The following SRPK2 variants were observed in gnomAD, a reference collection of about 807,000 sequenced individuals.
SRPK2 encodes SRSF protein kinase 2, also known as SFRS protein kinase 2.
Under a neutral mutation model 90.8 loss-of-function variants are expected in SRPK2, and 21 were observed. That is an observed-to-expected ratio of 0.23 (90% CI 0.16 to 0.33). The LOEUF (loss-of-function observed/expected upper bound fraction) is 0.33. Among genes scored for constraint, SRPK2 ranks in the 10% least tolerant of loss-of-function variants. The pLI, the probability that SRPK2 is intolerant of heterozygous loss-of-function variation, is 1.00. For missense variants in SRPK2, 620 were observed against 869.0 expected, an observed-to-expected ratio of 0.71 and a Z score of 3.60; for synonymous variants, 288 against 311.1, an observed-to-expected ratio of 0.93 and a Z score of 0.78.
chr7:105,261,538 AG>A (rs1377871156), intron 2 of SRPK2, among the ~76,000 whole-genome samples: 1 of 152,088 alleles, frequency 6.6e-6, no homozygotes, highest in Non-Finnish European at 1.5e-5. Flanking sequence ...AAAAAAAAAA[AG>A]AAAGAAAAAA....
chr7:105,335,235 A>C (rs1332744168), intron 2 of SRPK2, among the ~76,000 whole-genome samples: 2 of 152,232 alleles, frequency 1.3e-5, no homozygotes, highest in Non-Finnish European at 2.9e-5. Context: ...AAAGGAAGAC[A>C]AAAAATTCCC....
intron 7 of SRPK2, among the ~76,000 whole-genome samples, chr7:105,151,547 T>G (rs1584964910): frequency 1.3e-5 from 2 of 152,356 alleles, no homozygotes; most frequent in Middle Eastern, 3.4e-3. Context: ...AAAATTAATT[T>G]CTTTTTAGAG....
intron 2 of SRPK2, among the ~76,000 whole-genome samples, chr7:105,260,400 T>C (rs1490392810): frequency 6.6e-6 from 1 of 152,164 alleles, no homozygotes; most frequent in Non-Finnish European, 1.5e-5. Flanking sequence ...CTGGAGAGGA[T>C]GTGGAGAAAT....
intron 2 of SRPK2, among the ~76,000 whole-genome samples, chr7:105,252,293 G>A (rs1432492133): frequency 1.3e-5 from 2 of 151,958 alleles, no homozygotes; most frequent in East Asian, 3.9e-4. Flanking sequence ...GGATAGAAAG[G>A]GCAAAAGAAT....
chr7:105,285,804 T>C (rs1463312838), intron 2 of SRPK2, among the ~76,000 whole-genome samples: 1 of 152,210 alleles, frequency 6.6e-6, no homozygotes, highest in Non-Finnish European at 1.5e-5. Context: ...AAGCAGATGC[T>C]GGACCCATGC....
chr7:105,395,002 A>G (rs1376534485), intron 1 of SRPK2, among the ~76,000 whole-genome samples: 2 of 152,074 alleles, frequency 1.3e-5, no homozygotes, highest in East Asian at 3.9e-4. Flanking sequence ...GTGAAACCCC[A>G]TCTCTACTAA....
intron 13 of SRPK2, among the ~76,000 whole-genome samples, chr7:105,131,403 C>T (rs775313806): frequency 4.6e-5 from 7 of 152,186 alleles, no homozygotes; most frequent in Admixed American, 1.3e-4. Context: ...CATTGGCCAC[C>T]GGTTCTTTTA....
chr7:105,286,371 T>C (rs1285901713), intron 2 of SRPK2, among the ~76,000 whole-genome samples: 4 of 152,234 alleles, frequency 2.6e-5, no homozygotes, highest in African/African-American at 9.6e-5. Flanking sequence ...ATTTATTAGA[T>C]TTACTATGCT....
intron 3 of SRPK2, among the ~76,000 whole-genome samples, chr7:105,198,277 T>C (rs1017889696): frequency 1.3e-5 from 2 of 152,206 alleles, no homozygotes; most frequent in African/African-American, 2.4e-5. Flanking sequence ...CACCCCCTAC[T>C]GCCTCTGAAA....
chr7:105,313,285 A>C (rs1811927516), intron 2 of SRPK2, among the ~76,000 whole-genome samples: 1 of 151,532 alleles, frequency 6.6e-6, no homozygotes, highest in Non-Finnish European at 1.5e-5. Flanking sequence ...ATCTCTACCA[A>C]AATACAAAAA....
At chr7:105,373,246 T>C (rs993255799) in intron 2 of SRPK2, among the ~76,000 whole-genome samples, 31 of 152,182 alleles carry the variant, frequency 2.0e-4, no homozygotes, top group Admixed American at 9.8e-4. Context: ...AGAAAAAAGA[T>C]ACTAATGCTA....
intron 2 of SRPK2, among the ~76,000 whole-genome samples, chr7:105,326,810 C>T (rs1358660617): frequency 3.9e-5 from 6 of 152,060 alleles, no homozygotes; most frequent in Non-Finnish European, 5.9e-5. Context: ...GCCTGTAATC[C>T]CAGCACTTTG....
chr7:105,385,035 G>A (rs960523274), intron 2 of SRPK2, among the ~76,000 whole-genome samples: 1 of 148,170 alleles, frequency 6.7e-6, no homozygotes, highest in Non-Finnish European at 1.5e-5. Flanking sequence ...CACACGCCCA[G>A]CTAATTTTTT....
intron 3 of SRPK2, among the ~76,000 whole-genome samples, chr7:105,194,759 TG>T (rs1226603430): frequency 6.6e-6 from 1 of 152,160 alleles, no homozygotes; most frequent in Non-Finnish European, 1.5e-5. Context: ...AGCACAAAGC[TG>T]GAAGACTGAC....
chr7:105,169,662 G>T (rs950764790), intron 3 of SRPK2, among the ~76,000 whole-genome samples: 1 of 152,190 alleles, frequency 6.6e-6, no homozygotes, highest in Non-Finnish European at 1.5e-5. Flanking sequence ...GGGAGGTGGA[G>T]GCTGCAATGA....
intron 2 of SRPK2, among the ~76,000 whole-genome samples, chr7:105,291,433 C>T (rs1809000063): frequency 6.6e-6 from 1 of 152,016 alleles, no homozygotes; most frequent in Non-Finnish European, 1.5e-5. Context: ...ACCTGTAATC[C>T]CAGCACTTTG....
At chr7:105,265,560 A>G (rs1207555066) in intron 2 of SRPK2, among the ~76,000 whole-genome samples, 2 of 152,166 alleles carry the variant, frequency 1.3e-5, no homozygotes, top group Non-Finnish European at 2.9e-5. Flanking sequence ...ACATTACCCC[A>G]TAAATCCCAG....
chr7:105,192,146 T>C (rs1794376925), intron 3 of SRPK2, among the ~76,000 whole-genome samples: 1 of 151,986 alleles, frequency 6.6e-6, no homozygotes, highest in Non-Finnish European at 1.5e-5. Context: ...GAGATTTTGG[T>C]GCACCCATCA....
intron 2 of SRPK2, among the ~76,000 whole-genome samples, chr7:105,223,411 C>T (rs1032525129): frequency 6.6e-6 from 1 of 152,210 alleles, no homozygotes; most frequent in Non-Finnish European, 1.5e-5. Flanking sequence ...CCCTGACATA[C>T]ATACCTCCCT....
Sources: gnomAD v4.1 joint callset for allele counts (sites outside exome capture counted in the v4.1 genomes callset) on GRCh38, gnomAD v4.1.1 for gene constraint, MANE v1.5 for transcripts, NCBI Gene and HGNC (gene_info 2026-07-23, HGNC 2026-07-21) for gene names.